The following TRAM2 variants were observed in gnomAD, a reference collection of about 807,000 sequenced individuals.
TRAM2 encodes translocation associated membrane protein 2.
TRAM2 carries 12 observed loss-of-function variants against 51.0 expected under a neutral mutation model. That is an observed-to-expected ratio of 0.24 (90% confidence interval 0.15 to 0.38). The LOEUF is 0.38. TRAM2 is among the 10% of genes least tolerant of loss of function. The pLI is 1.00. For missense variants in TRAM2, 361 were observed against 462.0 expected, an observed-to-expected ratio of 0.78 and a Z score of 2.00; for synonymous variants, 175 against 179.4, an observed-to-expected ratio of 0.98 and a Z score of 0.20.
At chr6:52,510,290 C>T (rs1766428956) in intron 4 of TRAM2, among the ~76,000 whole-genome samples, 1 of 152,160 alleles carries the variant, frequency 6.6e-6, no homozygotes, top group African/African-American at 2.4e-5. Context: ...GTGGGGATGG[C>T]AACATGAAAA....
At chr6:52,516,500 T>C in intron 3 of TRAM2, 128 bp downstream of exon 3, 3 of 756,174 alleles carry the variant, frequency 4.0e-6, no homozygotes, top group Non-Finnish European at 4.5e-6. Context: ...GCCCAGGCAA[T>C]AGACCCAACC....
intron 1 of TRAM2, among the ~76,000 whole-genome samples, chr6:52,542,276 TAAAA>T (rs66882373): frequency 0.073 from 10,847 of 147,584 alleles, 971 homozygotes; most frequent in African/African-American, 0.2. Context: ...TTTTTTTTTT[TAAAA>T]AAAATAGTCT....
intron 2 of TRAM2, among the ~76,000 whole-genome samples, chr6:52,526,184 C>G (rs920151388): frequency 7.0e-5 from 9 of 129,040 alleles, no homozygotes; most frequent in African/African-American, 1.2e-4. Flanking sequence ...CACACACACA[C>G]ACACACACAC....
At chr6:52,520,970 G>A (rs565557924) in intron 2 of TRAM2, among the ~76,000 whole-genome samples, 129 of 152,142 alleles carry the variant, frequency 8.5e-4, no homozygotes, top group South Asian at 1.7e-3. Context: ...GTGTAATGGC[G>A]CAGTCTTGGC....
At chr6:52,527,563 T>C (rs919775394) in intron 2 of TRAM2, among the ~76,000 whole-genome samples, 7 of 151,912 alleles carry the variant, frequency 4.6e-5, no homozygotes, top group East Asian at 1.9e-4. Context: ...GAGAAGACAT[T>C]TGGGGGCTCA....
rs894336510 is a variant in TRAM2 at position 52,559,377 on chromosome 6, T to C, written c.120+17419A>G. On this transcript the variant is annotated intron_variant, in intron 1 of 10. Transcript: ENST00000182527. ...ATCTTGGCCTCCATCTCCTTCTCTTTAAAATAGAGTAAAGGACTCAGGCTG... is the reference window on the plus strand; with the variant it reads ...ATCTTGGCCTCCATCTCCTTCTCTTCAAAATAGAGTAAAGGACTCAGGCTG... Among the ~76,000 whole-genome samples, 4 of 152,278 alleles carry C rather than the reference T, an allele frequency of 2.6e-5. No homozygotes were observed. The South Asian group carries it at 8.3e-4, about 32-fold the overall frequency.
intron 1 of TRAM2, among the ~76,000 whole-genome samples, chr6:52,555,289 C>T (rs1290969557): frequency 6.6e-6 from 1 of 151,888 alleles, no homozygotes; most frequent in Non-Finnish European, 1.5e-5. Context: ...TACCCCCAAC[C>T]CACCACCTCT....
At chr6:52,552,668 T>C (rs560353730) in intron 1 of TRAM2, among the ~76,000 whole-genome samples, 2 of 152,334 alleles carry the variant, frequency 1.3e-5, no homozygotes, top group South Asian at 2.1e-4. Context: ...TCAGCTCTTC[T>C]TGCTTTCTTG....
At chr6:52,516,204 C>A (rs1040805735) in intron 3 of TRAM2, 82 bp from the exon 4 acceptor site, 12 of 1,294,546 alleles carry the variant, frequency 9.3e-6, no homozygotes, top group Non-Finnish European at 1.3e-5. Flanking sequence ...ATTCTCCCCA[C>A]AGAAGGGTTG....
chr6:52,561,537 G>A (rs1581701153), intron 1 of TRAM2, among the ~76,000 whole-genome samples: 1 of 150,100 alleles, frequency 6.7e-6, no homozygotes, highest in African/African-American at 2.4e-5. Context: ...CCAGGCTGGA[G>A]TGCAGTGGCG....
intron 1 of TRAM2, among the ~76,000 whole-genome samples, chr6:52,572,996 C>G (rs6905812): frequency 0.25 from 38,206 of 151,884 alleles, 6,026 homozygotes; most frequent in African/African-American, 0.42. Flanking sequence ...CATCACAGAC[C>G]AAAAAGAAAC....
At chr6:52,533,952 G>A (rs543029241) in intron 2 of TRAM2, among the ~76,000 whole-genome samples, 6 of 152,218 alleles carry the variant, frequency 3.9e-5, no homozygotes, top group South Asian at 4.2e-4. Flanking sequence ...TTAGCCGGGC[G>A]TGGTGGTGCA....
intron 7 of TRAM2, 43 bp from the exon 8 acceptor site, chr6:52,506,179 TGCG>T: frequency 6.4e-7 from 1 of 1,564,460 alleles, no homozygotes; most frequent in Non-Finnish European, 8.8e-7. Flanking sequence ...TCCAAGATGC[TGCG>T]TGGAGCAGAA....
chr6:52,533,042 G>C (rs910059579), intron 2 of TRAM2, among the ~76,000 whole-genome samples: 2 of 146,534 alleles, frequency 1.4e-5, no homozygotes, highest in African/African-American at 5.0e-5. Context: ...GGTACCTAAG[G>C]TAGTCAAATT....
In TRAM2 at chr6:52,557,061, C is replaced by T. The variant is rs922493168; in HGVS notation, c.120+19735G>A. On this transcript the variant is annotated intron_variant, in intron 1 of 10. Transcript: ENST00000182527. ...ATACAAAAGTTAGCCAGTGTGGTGG[C>T]GGGCACCTGTAATCCCAACTACTTA... Among the ~76,000 whole-genome samples the T allele has an allele frequency of 5.3e-5, 8 of 152,038 alleles. No homozygotes were observed. The East Asian group carries it at 9.7e-4, about 18-fold the overall frequency.
chr6:52,576,665 G>T (rs1767771531), intron 1 of TRAM2, 131 bp downstream of exon 1: 1 of 1,253,728 alleles, frequency 8.0e-7, no homozygotes, highest in Non-Finnish European at 1.1e-6. Flanking sequence ...GCACAAAGCC[G>T]GGGTGCAGAT....
intron 1 of TRAM2, among the ~76,000 whole-genome samples, chr6:52,556,265 G>GTAC (rs1767404458): frequency 7.2e-6 from 1 of 138,232 alleles, no homozygotes; most frequent in South Asian, 2.7e-4. Context: ...CACTCAATCT[G>GTAC]TACTTTTTGT....
intron 5 of TRAM2, among the ~76,000 whole-genome samples, chr6:52,509,031 T>A (rs1183989133): frequency 6.6e-6 from 1 of 151,894 alleles, no homozygotes; most frequent in Non-Finnish European, 1.5e-5. Context: ...CAAATCTCCA[T>A]CTCAGAAAAA....
At chr6:52,518,757 CAT>C (rs1292729667) in intron 2 of TRAM2, among the ~76,000 whole-genome samples, 1 of 152,228 alleles carries the variant, frequency 6.6e-6, no homozygotes, top group African/African-American at 2.4e-5. Context: ...CACTCTACCA[CAT>C]GTGACGCCAG....
Sources: allele counts gnomAD v4.1 joint callset (sites outside exome capture counted in the v4.1 genomes callset), GRCh38; gene constraint gnomAD v4.1.1; transcripts MANE v1.5; gene names NCBI Gene and HGNC (gene_info 2026-07-23, HGNC 2026-07-21).